ME1: variants seen among roughly 807,000 people sequenced by gnomAD.
The protein encoded by ME1 is malic enzyme 1, also known as NADP-dependent malic enzyme.
A neutral mutation model predicts 66.4 loss-of-function variants in ME1; 74 were observed. The ratio of observed to expected loss-of-function variants is 1.11; its 90% CI spans 0.92 to 1.35. The LOEUF is 1.35. Among genes scored for constraint, ME1 ranks in the 40% most tolerant of loss-of-function variants. The pLI, the probability that ME1 is intolerant of heterozygous loss-of-function variation, is 0.00. For missense variants in ME1, 750 were observed against 694.1 expected, an observed-to-expected ratio of 1.08 and a Z score of -0.90; for synonymous variants, 251 against 235.6, an observed-to-expected ratio of 1.07 and a Z score of -0.60.
intron 3 of ME1, among the ~76,000 whole-genome samples, chr6:83,378,142 A>G (rs1328783985): frequency 6.6e-6 from 1 of 151,910 alleles, no homozygotes; most frequent in Non-Finnish European, 1.5e-5. Context: ...AGGGCTAACA[A>G]CTATCTAAAA....
chr6:83,362,564 T>C lies in ME1; in HGVS notation c.363-10425A>G, dbSNP rs1337999518. On this transcript the variant is annotated intron_variant, in intron 3 of 13. Coordinates refer to ENST00000369705, the MANE Select transcript of ME1 (RefSeq NM_002395.6). ...CCGCTCACCAAGGCTGACCTGGCTATGGCCACTGCTAAGCGCCCAATTTGC... is the reference window on the plus strand; with the variant it reads ...CCGCTCACCAAGGCTGACCTGGCTACGGCCACTGCTAAGCGCCCAATTTGC... Among the ~76,000 whole-genome samples the C allele has an allele frequency of 1.3e-5, 2 of 152,212 alleles. 1 individual carries two copies. Among genetic ancestry groups the C allele is most frequent in the South Asian group, 4.1e-4 (2 of 4,832 alleles).
At chr6:83,349,945 C>T (rs1768765755) in intron 4 of ME1, among the ~76,000 whole-genome samples, 2 of 152,124 alleles carry the variant, frequency 1.3e-5, no homozygotes, top group South Asian at 2.1e-4. Context: ...ATATTCTTCC[C>T]TTTCTAACTA....
chr6:83,401,938 A>G (rs1769848612), intron 2 of ME1, among the ~76,000 whole-genome samples: 1 of 152,140 alleles, frequency 6.6e-6, no homozygotes, highest in African/African-American at 2.4e-5. Flanking sequence ...CTTAGTTTGG[A>G]TCTAGATATG....
intron 6 of ME1, among the ~76,000 whole-genome samples, chr6:83,298,420 T>C (rs943309903): frequency 2.6e-5 from 4 of 152,180 alleles, no homozygotes; most frequent in Non-Finnish European, 5.9e-5. Flanking sequence ...GTGTGTTTTT[T>C]TTTATTGTAA....
intron 10 of ME1, among the ~76,000 whole-genome samples, 197 bp downstream of exon 10, chr6:83,228,629 G>A (rs903486245): frequency 6.6e-6 from 1 of 152,134 alleles, no homozygotes; most frequent in Non-Finnish European, 1.5e-5. Context: ...GGGGCCATAC[G>A]CTTCATCTCA....
At chr6:83,398,547 TC>T in intron 2 of ME1, 31 bp from the exon 3 acceptor site, 1 of 1,231,790 alleles carries the variant, frequency 8.1e-7, no homozygotes, top group South Asian at 1.5e-5. Context: ...TAGATCTACA[TC>T]CCATAAAGTC....
chr6:83,211,858 C>T lies in ME1; in HGVS notation c.*66G>A. On this transcript the variant is annotated 3_prime_UTR_variant, in exon 14 of 14. Transcript: ENST00000369705. ...TCTTATGAATCATTATAAAAGATTCCAACCTTTAAAAATTATGAAAGGTTT... is the reference window on the plus strand; with the variant it reads ...TCTTATGAATCATTATAAAAGATTCTAACCTTTAAAAATTATGAAAGGTTT... The T allele has an allele frequency of 9.0e-7, 1 of 1,117,150 alleles. No homozygotes were observed. Among genetic ancestry groups the T allele is most frequent in the East Asian group, 2.8e-5 (1 of 36,026 alleles). 69.2% of individuals were successfully genotyped at this position (1,117,150 alleles called of 1,614,324 possible). A position where few individuals can be genotyped will look rare whatever the true frequency, so the allele number is the denominator to read the frequency against.
chr6:83,251,325 T>C (rs530796601), intron 7 of ME1, among the ~76,000 whole-genome samples: 7 of 151,630 alleles, frequency 4.6e-5, no homozygotes, highest in Non-Finnish European at 1.0e-4. Flanking sequence ...CAAAAACCCA[T>C]CTCTACTAAA....
At chr6:83,274,604 C>T (rs965013692) in intron 6 of ME1, among the ~76,000 whole-genome samples, 1 of 152,034 alleles carries the variant, frequency 6.6e-6, no homozygotes, top group Admixed American at 6.6e-5. Flanking sequence ...GGATAGAAGG[C>T]CATTTAAACT....
At chr6:83,226,843 T>C (rs1451799458) in intron 11 of ME1, among the ~76,000 whole-genome samples, 1 of 152,132 alleles carries the variant, frequency 6.6e-6, no homozygotes, top group Non-Finnish European at 1.5e-5. Flanking sequence ...AAATAAATCA[T>C]AGTAAAATGT....
intron 3 of ME1, among the ~76,000 whole-genome samples, chr6:83,358,663 A>G (rs1055415669): frequency 4.6e-5 from 7 of 152,128 alleles, no homozygotes; most frequent in East Asian, 1.9e-4. Context: ...GAGAACCCCA[A>G]TGAAACTGGG....
intron 6 of ME1, among the ~76,000 whole-genome samples, chr6:83,300,468 A>C (rs1767693606): frequency 6.6e-6 from 1 of 152,098 alleles, no homozygotes; most frequent in South Asian, 2.1e-4. Context: ...AATGGGAGAA[A>C]ATATTTGTAA....
At chr6:83,244,869 A>G (rs1180207) in intron 7 of ME1, among the ~76,000 whole-genome samples, 42,256 of 151,894 alleles carry the variant, frequency 0.28, 6,194 homozygotes, top group Middle Eastern at 0.39. Context: ...AAAAATTATC[A>G]AAGAGGTAAA....
At chr6:83,328,926 T>C (rs1187974519) in intron 5 of ME1, among the ~76,000 whole-genome samples, 1 of 151,930 alleles carries the variant, frequency 6.6e-6, no homozygotes, top group African/African-American at 2.4e-5. Flanking sequence ...AAAAAGGAGA[T>C]AAGGAGGGTA....
intron 1 of ME1, among the ~76,000 whole-genome samples, chr6:83,427,569 A>C (rs1297432420): frequency 6.6e-6 from 1 of 152,226 alleles, no homozygotes; most frequent in Admixed American, 6.5e-5. Flanking sequence ...TGCCTAAACT[A>C]TCACTTTAAA....
chr6:83,351,265 G>A (rs569111267), intron 4 of ME1, among the ~76,000 whole-genome samples: 2 of 152,164 alleles, frequency 1.3e-5, no homozygotes, highest in South Asian at 4.1e-4. Context: ...GATCATTAAC[G>A]GACTTACATT....
At chr6:83,425,532 C>A (rs1770354204) in intron 1 of ME1, among the ~76,000 whole-genome samples, 2 of 152,030 alleles carry the variant, frequency 1.3e-5, no homozygotes, top group South Asian at 4.2e-4. Flanking sequence ...GGGGGAAAGC[C>A]CCTTATAAAA....
chr6:83,220,769 A>C (rs1384424356), intron 12 of ME1, among the ~76,000 whole-genome samples: 1 of 152,202 alleles, frequency 6.6e-6, no homozygotes, highest in Middle Eastern at 3.2e-3. Context: ...AATCCTATTC[A>C]AAAAGTATTT....
chr6:83,425,521 G>C (rs911632176), intron 1 of ME1, among the ~76,000 whole-genome samples: 1 of 152,072 alleles, frequency 6.6e-6, no homozygotes. Flanking sequence ...ATGAGCAAAA[G>C]GGGGGAAAGC....
Sources: gnomAD v4.1 joint callset for allele counts (sites outside exome capture counted in the v4.1 genomes callset) on GRCh38, gnomAD v4.1.1 for gene constraint, MANE v1.5 for transcripts, NCBI Gene and HGNC (gene_info 2026-07-23, HGNC 2026-07-21) for gene names.